Variants in SLIT1 observed in about 807,000 individuals in gnomAD.
SLIT1 encodes the protein slit guidance ligand 1, also known as slit homolog 1 protein.
SLIT1 carries 66 observed loss-of-function variants against 186.1 expected under a neutral mutation model. The ratio of observed to expected loss-of-function variants is 0.35; its 90% CI spans 0.29 to 0.44. The LOEUF (loss-of-function observed/expected upper bound fraction) is 0.44, where lower values mean the gene tolerates loss of function less well. Ranked by LOEUF, SLIT1 falls within the 20% of genes least tolerant of loss-of-function variation. The pLI, the probability that SLIT1 is intolerant of heterozygous loss-of-function variation, is 1.00. For synonymous variants in SLIT1, 761 were observed against 833.8 expected, an observed-to-expected ratio of 0.91 and a Z score of 1.50; for missense variants, 1,638 against 2,037.4, an observed-to-expected ratio of 0.80 and a Z score of 3.77.
intron 2 of SLIT1, among the ~76,000 whole-genome samples, chr10:97,163,704 G>T (rs1850063602): frequency 6.6e-6 from 1 of 152,210 alleles, no homozygotes; most frequent in South Asian, 2.1e-4. Context: ...AAATGCACTT[G>T]CAACCCCCTG....
chr10:97,096,178 C>T (rs1253940547), intron 4 of SLIT1, among the ~76,000 whole-genome samples: 10 of 152,184 alleles, frequency 6.6e-5, no homozygotes, highest in Non-Finnish European at 1.5e-4. Flanking sequence ...CAGCCAGCTG[C>T]GGCCCGAGCT....
chr10:97,065,137 T>TACACAC (rs55991572), intron 5 of SLIT1, among the ~76,000 whole-genome samples: 42 of 150,838 alleles, frequency 2.8e-4, no homozygotes, highest in African/African-American at 1.0e-3. Flanking sequence ...GGCACCCCCC[T>TACACAC]ACACACACAC....
intron 23 of SLIT1, among the ~76,000 whole-genome samples, chr10:97,032,456 C>T (rs1337030209): frequency 3.3e-5 from 5 of 151,902 alleles, no homozygotes; most frequent in Non-Finnish European, 7.4e-5. Context: ...ATAATCCCAG[C>T]TACTCGAGAG....
In SLIT1 at chr10:97,021,455, G is replaced by A. The variant is rs778447874; in HGVS notation, c.2583-42C>T. On this transcript the variant is annotated intron_variant, in intron 25 of 36. Transcript: ENST00000266058. This position sits in a 1 kb window ranked among gnomAD's most constrained non-coding sequence, Gnocchi z 4.5. ...GAGAAGCAGGCATTACAGCTTCATG[G>A]GGTCCCTCGCCCACTGGGAACCTAG... is the stretch of plus-strand genomic sequence containing the variant. 6.3e-7 allele frequency: 1 copy of A among 1,581,704 alleles called. No individual in the cohort carries two copies. The highest frequency in any genetic ancestry group is 8.6e-7 in the Non-Finnish European group (1 of 1,160,014).
intron 4 of SLIT1, among the ~76,000 whole-genome samples, chr10:97,111,660 T>C (rs1399970662): frequency 1.3e-5 from 2 of 152,166 alleles, no homozygotes; most frequent in East Asian, 3.8e-4. Flanking sequence ...AACCAAATGT[T>C]TTGCTTTGAT....
Position 97,057,229 on chromosome 10 carries a change from G to A in SLIT1, c.1138C>T (p.Leu380=). 1 of 1,613,854 alleles carries A rather than the reference G, an allele frequency of 6.2e-7. No homozygotes were observed. The highest frequency in any genetic ancestry group is 8.5e-7 in the Non-Finnish European group (1 of 1,179,820). The part of the protein sequence containing the change: ...TDLPRGVFGG[L]YTLQLLLLNA... Reference sequence around the variant, plus strand: ...TCTTACAGGAGCTGTAGGGTGTATAGGCCTCCAAACACACCACGGGGGAGG... The same window carrying A: ...TCTTACAGGAGCTGTAGGGTGTATAAGCCTCCAAACACACCACGGGGGAGG... Residue 380 remains leucine, a synonymous_variant, in exon 12 of 37, where the codon CTA becomes TTA. Coordinates refer to ENST00000266058, the MANE Select transcript of SLIT1 (RefSeq NM_003061.3).
At chr10:97,079,325 T>C (rs1192956709) in intron 4 of SLIT1, among the ~76,000 whole-genome samples, 1 of 152,204 alleles carries the variant, frequency 6.6e-6, no homozygotes, top group East Asian at 1.9e-4. Flanking sequence ...TAGGAACTCA[T>C]GATGTTTTAC....
At chr10:97,064,964 CA>C in intron 5 of SLIT1, 88 bp from the exon 6 acceptor site, 1 of 967,768 alleles carries the variant, frequency 1.0e-6, no homozygotes, top group Non-Finnish European at 1.6e-6. Flanking sequence ...TCCATTCATT[CA>C]AAAGAGGTGC....
At chr10:97,165,017 T>C in intron 1 of SLIT1, 127 bp from the exon 2 acceptor site, 1 of 712,598 alleles carries the variant, frequency 1.4e-6, no homozygotes, top group Admixed American at 2.0e-5. Flanking sequence ...TGGGGGCTTC[T>C]GTGAGTTGAG....
intron 8 of SLIT1, among the ~76,000 whole-genome samples, chr10:97,062,146 T>C (rs993861599): frequency 6.6e-6 from 1 of 152,262 alleles, no homozygotes; most frequent in Non-Finnish European, 1.5e-5. Context: ...GCTGCAATGA[T>C]GCAGAGGCAG....
At chr10:97,054,010 T>C (rs1257430491) in intron 13 of SLIT1, among the ~76,000 whole-genome samples, 4 of 152,030 alleles carry the variant, frequency 2.6e-5, no homozygotes, top group African/African-American at 9.7e-5. Context: ...AAGGAATACC[T>C]GAGACTAGGT....
chr10:97,032,564 C>T (rs1477409328), intron 23 of SLIT1, among the ~76,000 whole-genome samples: 2 of 148,756 alleles, frequency 1.3e-5, no homozygotes, highest in Non-Finnish European at 3.0e-5. Context: ...GCGAGACTCC[C>T]CATCTCAAAA....
chr10:97,119,610 C>G (rs1849540499), intron 4 of SLIT1, among the ~76,000 whole-genome samples: 1 of 151,786 alleles, frequency 6.6e-6, no homozygotes, highest in Non-Finnish European at 1.5e-5. Context: ...TGGGAGGACT[C>G]AGGAGACGGC....
At position 97,013,776 on chromosome 10, in the gene SLIT1, G is replaced by T. The variant is rs141110554; in HGVS notation, c.3168C>A (p.His1056Gln). The T allele has an allele frequency of 6.4e-7, 1 of 1,551,532 alleles. No individual in the cohort carries two copies. The highest frequency in any genetic ancestry group is 8.7e-7 in the Non-Finnish European group (1 of 1,146,984). The change falls in exon 30 of 37, where the codon CAC becomes CAA. Residue 1056 changes from histidine (H) to glutamine (Q), a missense_variant. His to Gln is a conservative substitution (Grantham distance 24). This residue lies in a region of SLIT1 where 1,245 missense variants were observed against 1,535.3 expected (regional missense o/e 0.81). Transcript: ENST00000266058. ...CCGGGGTGCCCACACACTGGGCCTC[G>T]TGTTGACATGGGTTCAGATCCGGAG... ...LCSPDLNPCQ[H>Q]EAQCVGTPDG...
intron 9 of SLIT1, 146 bp downstream of exon 9, chr10:97,060,494 C>G (rs1848883195): frequency 9.7e-7 from 1 of 1,035,816 alleles, no homozygotes; most frequent in African/African-American, 1.6e-5. Context: ...AAGCTCAGCC[C>G]AGCAGAGGCA....
At chr10:97,037,459 G>C (rs1201574131) in intron 22 of SLIT1, among the ~76,000 whole-genome samples, 2 of 151,950 alleles carry the variant, frequency 1.3e-5, no homozygotes, top group East Asian at 4.0e-4. Flanking sequence ...TTGGGGAGAC[G>C]GCGTGGGCAG....
intron 13 of SLIT1, among the ~76,000 whole-genome samples, chr10:97,051,687 C>A (rs1040189227): frequency 6.6e-6 from 1 of 151,990 alleles, no homozygotes. Flanking sequence ...GTGGTGGGCA[C>A]CTGTAATCCC....
At chr10:97,102,193 AG>A (rs1849363357) in intron 4 of SLIT1, 1 of 152,082 alleles carries the variant, frequency 6.6e-6, no homozygotes, top group South Asian at 2.1e-4. Context: ...AGGCTGAGGC[AG>A]GTAGATCACC....
At chr10:97,032,209 C>T (rs538777993) in intron 23 of SLIT1, among the ~76,000 whole-genome samples, 1 of 152,260 alleles carries the variant, frequency 6.6e-6, no homozygotes, top group East Asian at 1.9e-4. Context: ...GTCACTATTC[C>T]CATCTTATAG....
Sources: gnomAD v4.1 joint callset for allele counts (sites outside exome capture counted in the v4.1 genomes callset) on GRCh38, gnomAD v4.1.1 for gene constraint, gnomAD v4.1.1 regional missense constraint, Gnocchi (gnomAD v3.1) non-coding constraint, MANE v1.5 for transcripts, NCBI Gene and HGNC (gene_info 2026-07-23, HGNC 2026-07-21) for gene names.